The following PIK3CA variants were observed in gnomAD, a reference collection of about 807,000 sequenced individuals.
PIK3CA encodes the protein phosphatidylinositol 4,5-bisphosphate 3-kinase catalytic subunit alpha isoform.
Under a neutral mutation model 138.2 loss-of-function variants are expected in PIK3CA, and 27 were observed. The ratio of observed to expected loss-of-function variants is 0.20; its 90% CI spans 0.14 to 0.27. The LOEUF (loss-of-function observed/expected upper bound fraction) is 0.27, where lower values mean the gene tolerates loss of function less well. Among genes scored for constraint, PIK3CA ranks in the 10% least tolerant of loss-of-function variants. The pLI, the probability that PIK3CA is intolerant of heterozygous loss-of-function variation, is 1.00. For missense variants in PIK3CA, 544 were observed against 1,277.4 expected, an observed-to-expected ratio of 0.43 and a Z score of 8.75; for synonymous variants, 358 against 413.2, an observed-to-expected ratio of 0.87 and a Z score of 1.62.
chr3:179,212,673 T>C (rs1724745493), intron 9 of PIK3CA, among the ~76,000 whole-genome samples: 1 of 151,670 alleles, frequency 6.6e-6, no homozygotes, highest in African/African-American at 2.4e-5. Flanking sequence ...ACTCCTGAGC[T>C]CAAGTGATCC....
intron 1 of PIK3CA, among the ~76,000 whole-genome samples, chr3:179,168,005 G>T (rs1361480978): frequency 6.6e-6 from 1 of 152,010 alleles, no homozygotes; most frequent in East Asian, 1.9e-4. Context: ...TTTTTACTCT[G>T]GAATTCAGAT....
chr3:179,190,457 G>C (rs1724104144), intron 1 of PIK3CA, among the ~76,000 whole-genome samples: 1 of 151,910 alleles, frequency 6.6e-6, no homozygotes, highest in African/African-American at 2.4e-5. Context: ...CATTTAAAAA[G>C]GGAGTAACTG....
intron 1 of PIK3CA, among the ~76,000 whole-genome samples, chr3:179,161,362 T>C (rs993264447): frequency 6.6e-6 from 1 of 152,174 alleles, no homozygotes; most frequent in African/African-American, 2.4e-5. Flanking sequence ...CTTTAGCACA[T>C]CCATAGACAT....
Position 179,238,943 on chromosome 3 carries a change from C to T in PIK3CA, c.*4579C>T, listed in dbSNP as rs919094069. On this transcript the variant is annotated 3_prime_UTR_variant, in exon 21 of 21. Coordinates refer to ENST00000263967, the MANE Select transcript of PIK3CA (RefSeq NM_006218.4). ...TGCACCTATTCCACTTAAGGTTTTG[C>T]ACCTCCTTTTTATTAGTGCAGTGCC... 9 of 217,952 alleles carry T rather than the reference C, an allele frequency of 4.1e-5. No homozygotes were observed. Among genetic ancestry groups the T allele is most frequent in the Non-Finnish European group, 7.4e-5 (8 of 108,692 alleles). 13.5% of individuals were successfully genotyped at this position (217,952 alleles called of 1,614,324 possible).
At chr3:179,159,993 G>A (rs546286757) in intron 1 of PIK3CA, among the ~76,000 whole-genome samples, 33 of 152,258 alleles carry the variant, frequency 2.2e-4, no homozygotes, top group South Asian at 8.3e-4. Flanking sequence ...AAGCCTTACC[G>A]TAAGTGAAGC....
intron 1 of PIK3CA, among the ~76,000 whole-genome samples, chr3:179,178,682 A>C (rs905772144): frequency 6.6e-6 from 1 of 152,202 alleles, no homozygotes; most frequent in Non-Finnish European, 1.5e-5. Context: ...ACTCAGCATG[A>C]TGTCGTACTC....
chr3:179,225,348 T>C (rs1725058801), intron 16 of PIK3CA, among the ~76,000 whole-genome samples: 1 of 151,984 alleles, frequency 6.6e-6, no homozygotes, highest in Admixed American at 6.6e-5. Context: ...TGTAGTCTGC[T>C]CAGGAACCAT....
chr3:179,192,820 T>C (rs1045740797), intron 1 of PIK3CA, among the ~76,000 whole-genome samples: 1 of 152,236 alleles, frequency 6.6e-6, no homozygotes, highest in Non-Finnish European at 1.5e-5. Context: ...TTGCCTTAAC[T>C]AATGAAATCT....
intron 1 of PIK3CA, among the ~76,000 whole-genome samples, chr3:179,174,163 C>T (rs1326460194): frequency 6.6e-6 from 1 of 152,068 alleles, no homozygotes; most frequent in Non-Finnish European, 1.5e-5. Context: ...TTTCAAATTA[C>T]AACTGAAAGG....
At chr3:179,169,760 T>C (rs1723505077) in intron 1 of PIK3CA, among the ~76,000 whole-genome samples, 1 of 152,242 alleles carries the variant, frequency 6.6e-6, no homozygotes, top group African/African-American at 2.4e-5. Flanking sequence ...AAACATTCAG[T>C]ATATTAAAAG....
intron 1 of PIK3CA, among the ~76,000 whole-genome samples, chr3:179,153,171 A>T (rs1007110315): frequency 2.0e-5 from 3 of 152,234 alleles, no homozygotes; most frequent in African/African-American, 4.8e-5. Flanking sequence ...ATTCCAGAAC[A>T]TAGGCACAAA....
At chr3:179,213,860 G>C (rs138563040) in intron 9 of PIK3CA, among the ~76,000 whole-genome samples, 1 of 152,252 alleles carries the variant, frequency 6.6e-6, no homozygotes, top group Admixed American at 6.5e-5. Flanking sequence ...ACCTTCATCA[G>C]TTATCTTGGC....
intron 17 of PIK3CA, among the ~76,000 whole-genome samples, chr3:179,226,664 T>C (rs1209698590): frequency 3.3e-5 from 5 of 152,122 alleles, no homozygotes; most frequent in Non-Finnish European, 5.9e-5. Flanking sequence ...AGTCTAGCTG[T>C]AACAACAGGG....
At chr3:179,201,640 C>T (rs1435181777) in intron 4 of PIK3CA, 100 bp downstream of exon 4, 5 of 774,848 alleles carry the variant, frequency 6.5e-6, no homozygotes, top group Non-Finnish European at 7.8e-6. Flanking sequence ...CGGAATCTCA[C>T]TCTCGCCCAG....
At chr3:179,180,793 G>A (rs999821210) in intron 1 of PIK3CA, among the ~76,000 whole-genome samples, 2 of 151,896 alleles carry the variant, frequency 1.3e-5, no homozygotes, top group Non-Finnish European at 2.9e-5. Flanking sequence ...AAATTTGGGG[G>A]GACACACTTT....
rs948655429 is a variant in PIK3CA, at chr3:179,168,228, T to G, written c.-77+19625T>G. Reference sequence around the variant, plus strand: ...AATTGGTTCAGGGGAAGTAAAACTTTGGAAAACTAATTGTCTGAAAAGACT... The same window carrying G: ...AATTGGTTCAGGGGAAGTAAAACTTGGGAAAACTAATTGTCTGAAAAGACT... On this transcript the variant is annotated intron_variant, in intron 1 of 20. Coordinates refer to ENST00000263967, the MANE Select transcript of PIK3CA (RefSeq NM_006218.4). Among the ~76,000 whole-genome samples, 4 of 152,340 alleles carry G rather than the reference T, an allele frequency of 2.6e-5. No individual in the cohort carries two copies. In the East Asian group the frequency reaches 7.7e-4, roughly 29 times the overall value.
intron 1 of PIK3CA, among the ~76,000 whole-genome samples, chr3:179,165,778 G>A (rs1723402489): frequency 6.6e-6 from 1 of 152,026 alleles, no homozygotes; most frequent in Non-Finnish European, 1.5e-5. Context: ...GCTCACCTAG[G>A]TTATTGTGGA....
In PIK3CA at chr3:179,219,407, C is replaced by T. The variant is rs567417440; in HGVS notation, c.1746+130C>T. Reference sequence around the variant, plus strand: ...AGTAATATAGTGTAGAAAAAAACACCCTTAACATTATTTCCATAGATAAAA... The same window carrying T: ...AGTAATATAGTGTAGAAAAAAACACTCTTAACATTATTTCCATAGATAAAA... On this transcript the variant is annotated intron_variant, in intron 11 of 20. Coordinates refer to ENST00000263967, the MANE Select transcript of PIK3CA (RefSeq NM_006218.4). The surrounding 1 kb of genome is among the most constrained non-coding windows in gnomAD (Gnocchi z 4.2). 1 of 708,416 alleles carries T rather than the reference C, an allele frequency of 1.4e-6. No individual in the cohort carries two copies. The highest frequency in any genetic ancestry group is 1.8e-5 in the African/African-American group (1 of 55,654). 43.9% of individuals were successfully genotyped at this position (708,416 alleles called of 1,614,324 possible).
At chr3:179,200,276 T>C (rs534710906) in intron 3 of PIK3CA, among the ~76,000 whole-genome samples, 67 of 152,142 alleles carry the variant, frequency 4.4e-4, no homozygotes, top group African/African-American at 1.4e-3. Flanking sequence ...TTATTATATA[T>C]CATAAATACA....
Sources: allele counts gnomAD v4.1 joint callset (sites outside exome capture counted in the v4.1 genomes callset), GRCh38; gene constraint gnomAD v4.1.1; non-coding constraint Gnocchi (gnomAD v3.1); transcripts MANE v1.5; gene names NCBI Gene and HGNC (gene_info 2026-07-23, HGNC 2026-07-21).